The following TTC7A variants were observed in gnomAD, a reference collection of about 807,000 sequenced individuals.
TTC7A encodes the protein tetratricopeptide repeat protein 7A.
A neutral mutation model predicts 103.7 loss-of-function variants in TTC7A; 110 were observed. That is an observed-to-expected ratio of 1.06 (90% CI 0.91 to 1.24). The LOEUF (loss-of-function observed/expected upper bound fraction) is 1.24, where lower values mean the gene tolerates loss of function less well. Ranked by LOEUF, TTC7A falls within the 50% of genes most tolerant of loss-of-function variation. The pLI is 0.00. For synonymous variants in TTC7A, 521 were observed against 467.9 expected, an observed-to-expected ratio of 1.11 and a Z score of -1.47; for missense variants, 1,340 against 1,116.3, an observed-to-expected ratio of 1.20 and a Z score of -2.86.
In TTC7A at chr2:46,941,482, C is replaced by T. The variant is rs1670368719; in HGVS notation, c.-60C>T. ...CCGCGAGTGCGCCCCAGCCAGGACGCCGCCCCCGGCCGGGTCTCCACTTCT... is the reference window on the plus strand; with the variant it reads ...CCGCGAGTGCGCCCCAGCCAGGACGTCGCCCCCGGCCGGGTCTCCACTTCT... On this transcript the variant is annotated 5_prime_UTR_variant, in exon 1 of 20. Transcript: ENST00000319190. This position sits in a 1 kb window ranked among gnomAD's most constrained non-coding sequence, Gnocchi z 4.2. 4.6e-6 allele frequency: 7 copies of T among 1,518,554 alleles called. No individual in the cohort carries two copies. The Admixed American group carries it at 8.1e-5, about 18-fold the overall frequency. The allele number at this position is 1,518,554 out of a possible 1,614,324, so 94.1% of individuals were successfully genotyped here.
intron 9 of TTC7A, 40 bp from the exon 10 acceptor site, chr2:47,006,601 G>T: frequency 6.4e-7 from 1 of 1,556,634 alleles, no homozygotes. Flanking sequence ...GGGGTGGGAG[G>T]ACCCCTGGTG....
chr2:47,049,835 G>A (rs1177208582), intron 16 of TTC7A, 114 bp from the exon 17 acceptor site: 8 of 759,996 alleles, frequency 1.1e-5, no homozygotes, highest in Middle Eastern at 3.6e-4. Context: ...CCTGCCTGGA[G>A]TGAGGCTGTC....
chr2:46,984,174 C>T (rs2104313419), intron 5 of TTC7A, among the ~76,000 whole-genome samples: 1 of 152,354 alleles, frequency 6.6e-6, no homozygotes, highest in South Asian at 2.1e-4. Context: ...GGATTCTGTG[C>T]ACAGGGCCCG....
At position 46,977,376 on chromosome 2, in the gene TTC7A, G is replaced by T. The variant is rs146683402; in HGVS notation, c.649-1416G>T. 1.4e-4 allele frequency among the ~76,000 whole-genome samples: 21 copies of T among 152,356 alleles called. No homozygotes were observed. The East Asian group carries it at 4.1e-3, about 29-fold the overall frequency. On this transcript the variant is annotated intron_variant, in intron 4 of 19. Transcript: ENST00000319190. The stretch of plus-strand genomic sequence containing the variant: ...TCTCCTCTGGATTCTGAAAGAGGAG[G>T]TGGATGCCTCATTGATTTTTTTTCC...
chr2:46,970,473 G>A (rs1299902398), intron 3 of TTC7A, among the ~76,000 whole-genome samples: 1 of 152,242 alleles, frequency 6.6e-6, no homozygotes, highest in Non-Finnish European at 1.5e-5. Context: ...GCTTGAACTA[G>A]CCAGTAGCTG....
intron 19 of TTC7A, among the ~76,000 whole-genome samples, chr2:47,069,215 C>T (rs779604690): frequency 1.3e-5 from 2 of 152,076 alleles, no homozygotes; most frequent in South Asian, 4.2e-4. Flanking sequence ...CCAGAGGAGA[C>T]GGCTGGCAAG....
upstream of TTC7A, chr2:46,916,057 C>T (rs572847902): frequency 3.0e-6 from 3 of 985,442 alleles, no homozygotes; most frequent in Admixed American, 6.1e-5. Flanking sequence ...AGTTGCTAGG[C>T]AACGCCGGAA....
intron 3 of TTC7A, among the ~76,000 whole-genome samples, chr2:46,960,083 T>C (rs1422872209): frequency 6.6e-6 from 1 of 152,226 alleles, no homozygotes; most frequent in African/African-American, 2.4e-5. Context: ...GAGTCACACA[T>C]GTGCTCAGAC....
Position 46,993,475 on chromosome 2 carries a change from C to T in TTC7A, c.790C>T (p.Leu264Phe). Residue 264 changes from leucine (L) to phenylalanine (F), a missense_variant, in exon 6 of 20, where the codon CTC (leucine) becomes TTC (phenylalanine). By Grantham distance (22) the Leu-to-Phe change is conservative. Transcript: ENST00000319190. ...GAACATCGTGAAGGGCATGAGAGAGCTCCGGGAGGTGCTGCGGACTGTGGA... is the reference window on the plus strand; with the variant it reads ...GAACATCGTGAAGGGCATGAGAGAGTTCCGGGAGGTGCTGCGGACTGTGGA... ...KGNIVKGMRELREVLRTVETK... is the reference protein window; with the variant it reads ...KGNIVKGMREFREVLRTVETK... The T allele has an allele frequency of 1.2e-6, 2 of 1,614,174 alleles. No individual in the cohort carries two copies. Among genetic ancestry groups the T allele is most frequent in the Non-Finnish European group, 1.7e-6 (2 of 1,180,014 alleles).
chr2:46,990,881 A>T lies in TTC7A; in HGVS notation c.765-2569A>T, dbSNP rs116315829. On this transcript the variant is annotated intron_variant, in intron 5 of 19. Transcript: ENST00000319190. The stretch of plus-strand genomic sequence containing the variant: ...CAGAACCCCCCTGGTGATCTGATAA[A>T]GCCCAGATTGCTGGGCCCCACCCCA... 2.1e-3 allele frequency among the ~76,000 whole-genome samples: 315 copies of T among 152,298 alleles called. 2 individuals are homozygous for T. The highest frequency in any genetic ancestry group is 7.2e-3 in the African/African-American group (301 of 41,568).
intron 3 of TTC7A, among the ~76,000 whole-genome samples, chr2:46,967,633 T>C (rs1259802226): frequency 6.6e-6 from 1 of 152,196 alleles, no homozygotes; most frequent in Non-Finnish European, 1.5e-5. Context: ...TGTATGTATA[T>C]GTGGCATTTT....
At chr2:46,950,277 G>A in intron 1 of TTC7A, 86 bp from the exon 2 acceptor site, 2 of 1,417,522 alleles carry the variant, frequency 1.4e-6, no homozygotes, top group Non-Finnish European at 2.0e-6. Context: ...GGGTATGGGT[G>A]GTTGGGTGGG....
At chr2:46,927,585 C>T (rs1384102138) in intron 2 of TTC7A, among the ~76,000 whole-genome samples, 1 of 151,936 alleles carries the variant, frequency 6.6e-6, no homozygotes, top group Non-Finnish European at 1.5e-5. Flanking sequence ...TGGTCTCAAT[C>T]TCCTGACCTC....
At chr2:47,043,465 C>T (rs1053584651) in intron 15 of TTC7A, among the ~76,000 whole-genome samples, 2 of 152,094 alleles carry the variant, frequency 1.3e-5, no homozygotes, top group Non-Finnish European at 2.9e-5. Context: ...GAGCCTGTTC[C>T]GAGGCTCAGG....
At chr2:46,952,207 T>C (rs974982243) in intron 2 of TTC7A, among the ~76,000 whole-genome samples, 8 of 152,204 alleles carry the variant, frequency 5.3e-5, no homozygotes, top group African/African-American at 1.9e-4. Context: ...GGGAGGTTTG[T>C]ATTGGGTTAA....
At chr2:47,003,234 G>T (rs1054499640) in intron 8 of TTC7A, among the ~76,000 whole-genome samples, 4 of 152,176 alleles carry the variant, frequency 2.6e-5, no homozygotes, top group Admixed American at 2.6e-4. Flanking sequence ...CTGGGGCCAG[G>T]AGTCTAGCCA....
rs868707274 is a variant in TTC7A, at chr2:46,999,748, T to C, written c.1065+4549T>C. The C allele has an allele frequency of 8.1e-6, 8 of 985,372 alleles. No individual in the cohort carries two copies. In the Admixed American group the frequency reaches 4.3e-4, roughly 53 times the overall value. The allele number at this position is 985,372 out of a possible 1,614,324, so 61.0% of individuals were successfully genotyped here. On this transcript the variant is annotated intron_variant, in intron 8 of 19. Transcript: ENST00000319190. The stretch of plus-strand genomic sequence containing the variant: ...CTAGGAGATACAGGAATCTTTCTTA[T>C]TTCTGAAATACTGATCTGGGGCATA...
At chr2:47,010,151 T>TAAAA (rs1404304377) in intron 10 of TTC7A, among the ~76,000 whole-genome samples, 1 of 152,152 alleles carries the variant, frequency 6.6e-6, no homozygotes, top group African/African-American at 2.4e-5. Flanking sequence ...AATCACTTGG[T>TAAAA]ATTTAAAATG....
intron 14 of TTC7A, among the ~76,000 whole-genome samples, chr2:47,027,532 A>G (rs1680045170): frequency 6.6e-6 from 1 of 152,284 alleles, no homozygotes; most frequent in Non-Finnish European, 1.5e-5. Flanking sequence ...GTGGAAAAGC[A>G]TATGCCTAAT....
Sources: allele counts gnomAD v4.1 joint callset (sites outside exome capture counted in the v4.1 genomes callset), GRCh38; gene constraint gnomAD v4.1.1; non-coding constraint Gnocchi (gnomAD v3.1); transcripts MANE v1.5; gene names NCBI Gene and HGNC (gene_info 2026-07-23, HGNC 2026-07-21).